Variants in PTPN1 observed in about 807,000 individuals in gnomAD.
PTPN1 encodes protein tyrosine phosphatase non-receptor type 1, also known as tyrosine-protein phosphatase non-receptor type 1.
A neutral mutation model predicts 59.9 loss-of-function variants in PTPN1; 12 were observed. The ratio of observed to expected loss-of-function variants is 0.20; its 90% CI spans 0.13 to 0.32. The LOEUF (loss-of-function observed/expected upper bound fraction) is 0.32, where lower values mean the gene tolerates loss of function less well. Ranked by LOEUF, PTPN1 falls within the 10% of genes least tolerant of loss-of-function variation. The pLI, the probability that PTPN1 is intolerant of heterozygous loss-of-function variation, is 1.00. For missense variants in PTPN1, 356 were observed against 549.2 expected (o/e 0.65, Z 3.52); for synonymous variants, 178 against 203.6 (o/e 0.87, Z 1.07).
chr20:50,559,387 C>T (rs1278060022), intron 1 of PTPN1, among the ~76,000 whole-genome samples: 1 of 152,082 alleles, frequency 6.6e-6, no homozygotes, highest in East Asian at 1.9e-4. Flanking sequence ...CATTGCTGGC[C>T]AGCTTTCAGT....
chr20:50,540,209 C>T (rs1286382583), intron 1 of PTPN1, among the ~76,000 whole-genome samples: 1 of 152,160 alleles, frequency 6.6e-6, no homozygotes, highest in African/African-American at 2.4e-5. Context: ...GCATGCGCCA[C>T]CACGCCCAGC....
rs1395267441 is a variant in PTPN1, at chr20:50,582,328, G to A, written c.1285-364G>A. Among the ~76,000 whole-genome samples, 1 of 152,272 alleles carries A rather than the reference G, an allele frequency of 6.6e-6. No individual in the cohort carries two copies. Among genetic ancestry groups the A allele is most frequent in the African/African-American group, 2.4e-5 (1 of 41,480 alleles). On this transcript the variant is annotated intron_variant, in intron 9 of 9. Coordinates refer to ENST00000371621, the MANE Select transcript of PTPN1 (RefSeq NM_002827.4). This position sits in a 1 kb window ranked among gnomAD's most constrained non-coding sequence, Gnocchi z 4.2. ...AGAAGTGGGCTCCACCTCATTGGGA[G>A]AAGTGCCATTTCAGCAGAAATTCAC...
intron 1 of PTPN1, among the ~76,000 whole-genome samples, chr20:50,525,635 G>A (rs1425394698): frequency 7.0e-6 from 1 of 143,840 alleles, no homozygotes; most frequent in South Asian, 2.2e-4. Context: ...TTTGATGATT[G>A]TTTTTTGATA....
rs559757333 is a variant in PTPN1 at position 50,510,900 on chromosome 20, C to T, written c.63+310C>T. 4.6e-5 allele frequency among the ~76,000 whole-genome samples: 7 copies of T among 152,172 alleles called. No homozygotes were observed. In the East Asian group the frequency reaches 1.4e-3, roughly 29 times the overall value. ...CGAATCCCTCGCACCCCGACCCCGCCCCCTGCCTGTCCACTCTTTGTCCCC... is the reference window on the plus strand; with the variant it reads ...CGAATCCCTCGCACCCCGACCCCGCTCCCTGCCTGTCCACTCTTTGTCCCC... On this transcript the variant is annotated intron_variant, in intron 1 of 9. Coordinates refer to ENST00000371621, the MANE Select transcript of PTPN1 (RefSeq NM_002827.4).
intron 1 of PTPN1, among the ~76,000 whole-genome samples, chr20:50,549,002 G>A (rs138584683): frequency 0.02 from 3,120 of 152,310 alleles, 42 homozygotes; most frequent in Non-Finnish European, 0.03. Context: ...ACAGGCATGA[G>A]CCACCACGCT....
intron 3 of PTPN1, among the ~76,000 whole-genome samples, chr20:50,567,924 G>A (rs1385026853): frequency 6.6e-6 from 1 of 152,222 alleles, no homozygotes; most frequent in Non-Finnish European, 1.5e-5. Flanking sequence ...AAGCGATGGG[G>A]AAACTGGGGC....
chr20:50,545,867 A>C (rs1285261349), intron 1 of PTPN1, among the ~76,000 whole-genome samples: 4 of 150,986 alleles, frequency 2.6e-5, no homozygotes, highest in Admixed American at 2.0e-4. Flanking sequence ...CTCTACAAAA[A>C]AATAGAAACA....
rs565137752 is a variant in PTPN1 at position 50,576,594 on chromosome 20, C to G, written c.493-1826C>G. 2.6e-5 allele frequency among the ~76,000 whole-genome samples: 4 copies of G among 152,098 alleles called. No homozygotes were observed. In the South Asian group the frequency reaches 8.3e-4, roughly 32 times the overall value. On this transcript the variant is annotated intron_variant, in intron 5 of 9. Transcript: ENST00000371621. ...TTTAAAATACATTTTAACGGCCGGG[C>G]ACGGTGGCTAACACCTGTAATCCCA...
chr20:50,530,331 A>G (rs957890409), intron 1 of PTPN1, among the ~76,000 whole-genome samples: 3 of 151,954 alleles, frequency 2.0e-5, no homozygotes, highest in Non-Finnish European at 4.4e-5. Context: ...ACTTGGAGCA[A>G]AGATTGCTTT....
At chr20:50,567,624 C>A (rs1032977131) in intron 3 of PTPN1, among the ~76,000 whole-genome samples, 2 of 152,092 alleles carry the variant, frequency 1.3e-5, no homozygotes, top group African/African-American at 4.8e-5. Context: ...GTGCCCATTG[C>A]CAGGTGAGCT....
At chr20:50,562,591 C>G (rs2082758230) in intron 2 of PTPN1, among the ~76,000 whole-genome samples, 1 of 152,218 alleles carries the variant, frequency 6.6e-6, no homozygotes, top group African/African-American at 2.4e-5. Flanking sequence ...CATAAGTGCT[C>G]AGTAAATGTT....
At chr20:50,556,215 T>C (rs1180328339) in intron 1 of PTPN1, among the ~76,000 whole-genome samples, 1 of 152,154 alleles carries the variant, frequency 6.6e-6, no homozygotes, top group African/African-American at 2.4e-5. Context: ...GGTCTCACTC[T>C]GCTGCCCAGG....
chr20:50,536,286 G>A (rs1046049674), intron 1 of PTPN1, among the ~76,000 whole-genome samples: 3 of 152,178 alleles, frequency 2.0e-5, no homozygotes, highest in Non-Finnish European at 4.4e-5. Flanking sequence ...TATAATTTAT[G>A]TTGGCGCTTA....
chr20:50,515,701 G>A (rs2082526164), intron 1 of PTPN1, among the ~76,000 whole-genome samples: 1 of 152,238 alleles, frequency 6.6e-6, no homozygotes, highest in African/African-American at 2.4e-5. Context: ...CTGGCACAGA[G>A]TAGGTACCTA....
At chr20:50,526,116 CTCTT>C (rs2082574294) in intron 1 of PTPN1, among the ~76,000 whole-genome samples, 2 of 152,088 alleles carry the variant, frequency 1.3e-5, no homozygotes, top group Non-Finnish European at 2.9e-5. Flanking sequence ...TGCAGATTCT[CTCTT>C]TCACTGTATG....
intron 8 of PTPN1, 55 bp from the exon 9 acceptor site, chr20:50,581,210 T>C (rs1273109857): frequency 6.5e-7 from 1 of 1,536,736 alleles, no homozygotes; most frequent in African/African-American, 1.4e-5. Context: ...AGCAGCATCC[T>C]TGCCATTCAT....
At position 50,581,279 on chromosome 20, in the gene PTPN1, C is replaced by G; in HGVS notation, c.1103C>G (p.Thr368Ser). The G allele has an allele frequency of 1.9e-6, 3 of 1,610,354 alleles. No individual in the cohort carries two copies. The highest frequency in any genetic ancestry group is 2.5e-6 in the Non-Finnish European group (3 of 1,177,068). The change falls in exon 9 of 10, where the codon ACT (threonine) becomes AGT (serine). Residue 368 changes from threonine to serine, a missense_variant. This residue lies in a region of PTPN1 where 62 missense variants were observed against 97.2 expected (regional missense o/e 0.64). Transcript: ENST00000371621. ...TGATTCCTCAGCATGAGTCAAGACA[C>G]TGAAGTTAGAAGTCGGGTCGTGGGG... ...PYGIESMSQD[T>S]EVRSRVVGGS...
intron 1 of PTPN1, among the ~76,000 whole-genome samples, chr20:50,560,360 GC>G (rs2082746424): frequency 2.6e-5 from 4 of 152,160 alleles, no homozygotes; most frequent in Admixed American, 1.3e-4. Context: ...GAATGAGATG[GC>G]AATCCAGGTC....
At chr20:50,539,897 T>C (rs756212269) in intron 1 of PTPN1, among the ~76,000 whole-genome samples, 26 of 152,024 alleles carry the variant, frequency 1.7e-4, no homozygotes, top group Non-Finnish European at 3.4e-4. Context: ...TTTTTTTTAA[T>C]TTCAGGAAAA....
Sources: allele counts gnomAD v4.1 joint callset (sites outside exome capture counted in the v4.1 genomes callset), GRCh38; gene constraint gnomAD v4.1.1; regional missense constraint gnomAD v4.1.1; non-coding constraint Gnocchi (gnomAD v3.1); transcripts MANE v1.5; gene names NCBI Gene and HGNC (gene_info 2026-07-23, HGNC 2026-07-21).